KCNAB1: variants seen among roughly 807,000 people sequenced by gnomAD.
The protein encoded by KCNAB1 is potassium voltage-gated channel subfamily A regulatory beta subunit 1.
A neutral mutation model predicts 64.6 loss-of-function variants in KCNAB1; 35 were observed. The observed-to-expected ratio is 0.54, with a 90% CI of 0.41 to 0.72. The LOEUF (loss-of-function observed/expected upper bound fraction) is 0.72, where lower values mean the gene tolerates loss of function less well. KCNAB1 is among the 30% of genes least tolerant of loss of function. The probability of loss-of-function intolerance (pLI) is 0.00; values close to 1 mark genes in which losing one functional copy is unlikely to be tolerated. For synonymous variants in KCNAB1, 177 were observed against 183.8 expected, an observed-to-expected ratio of 0.96 and a Z score of 0.30; for missense variants, 401 against 512.9, an observed-to-expected ratio of 0.78 and a Z score of 2.11.
chr3:156,221,990 A>G (rs1223043715), intron 1 of KCNAB1, among the ~76,000 whole-genome samples: 1 of 152,194 alleles, frequency 6.6e-6, no homozygotes, highest in Non-Finnish European at 1.5e-5. Flanking sequence ...CACAGGACCT[A>G]TATAACAATA....
At chr3:156,383,037 C>A (rs533095647) in intron 1 of KCNAB1, among the ~76,000 whole-genome samples, 1 of 152,282 alleles carries the variant, frequency 6.6e-6, no homozygotes, top group South Asian at 2.1e-4. Context: ...GTTCTGTAAA[C>A]AGGTTATTAG....
intron 1 of KCNAB1, among the ~76,000 whole-genome samples, chr3:156,409,363 TA>T (rs1254919188): frequency 2.0e-5 from 3 of 152,256 alleles, no homozygotes; most frequent in Non-Finnish European, 2.9e-5. Context: ...TAGGATTCTA[TA>T]GTTGCCATGC....
intron 1 of KCNAB1, among the ~76,000 whole-genome samples, chr3:156,313,329 A>C (rs1011613275): frequency 4.6e-5 from 7 of 152,318 alleles, no homozygotes; most frequent in African/African-American, 1.4e-4. Context: ...ATGATCTCCC[A>C]AAATCCCTGG....
intron 1 of KCNAB1, among the ~76,000 whole-genome samples, chr3:156,341,545 G>A (rs908849906): frequency 6.6e-6 from 1 of 152,152 alleles, no homozygotes; most frequent in Non-Finnish European, 1.5e-5. Context: ...TGGCCTCCGA[G>A]CTGTGTTAGG....
At chr3:156,170,733 T>C (rs6768515) in intron 1 of KCNAB1, among the ~76,000 whole-genome samples, 4,887 of 152,220 alleles carry the variant, frequency 0.032, 288 homozygotes, top group African/African-American at 0.11. Context: ...CTCATGTCAT[T>C]ACTTGGCATG....
intron 8 of KCNAB1, among the ~76,000 whole-genome samples, chr3:156,491,128 A>G (rs775802975): frequency 1.3e-5 from 2 of 152,076 alleles, no homozygotes; most frequent in Admixed American, 6.6e-5. Flanking sequence ...CTCAAACACA[A>G]TTTCTCCACA....
chr3:156,535,848 C>T (rs1287486203), intron 13 of KCNAB1, among the ~76,000 whole-genome samples: 2 of 152,146 alleles, frequency 1.3e-5, no homozygotes, highest in African/African-American at 2.4e-5. Context: ...AAACTACCTC[C>T]AGGTGTCTGA....
rs145468897 is a variant in KCNAB1 at position 156,436,420 on chromosome 3, G to C, written c.319+14761G>C. ...ATAAAAGAATAATTTATATTCCTTT[G>C]GGTGTATACCCAGTAATGGGATTGC... On this transcript the variant is annotated intron_variant, in intron 2 of 13. Coordinates refer to ENST00000490337, the MANE Select transcript of KCNAB1 (RefSeq NM_172160.3). 6.0e-4 allele frequency among the ~76,000 whole-genome samples: 91 copies of C among 152,280 alleles called. 1 individual carries two copies. In the East Asian group the frequency reaches 0.014, roughly 24 times the overall value.
At chr3:156,383,270 A>C (rs1293504632) in intron 1 of KCNAB1, among the ~76,000 whole-genome samples, 2 of 152,126 alleles carry the variant, frequency 1.3e-5, no homozygotes, top group Non-Finnish European at 2.9e-5. Context: ...TGGCAGCTGG[A>C]ATTTCTATTT....
At chr3:156,172,340 T>G (rs1203497616) in intron 1 of KCNAB1, among the ~76,000 whole-genome samples, 2 of 150,646 alleles carry the variant, frequency 1.3e-5, no homozygotes, top group Non-Finnish European at 2.9e-5. Flanking sequence ...AATGCCATGG[T>G]GCAATCTGAG....
intron 8 of KCNAB1, among the ~76,000 whole-genome samples, chr3:156,494,079 A>G (rs1018078980): frequency 4.6e-5 from 7 of 152,142 alleles, no homozygotes; most frequent in Non-Finnish European, 5.9e-5. Flanking sequence ...AGCGTTCATC[A>G]GTGATTCTTG....
intron 1 of KCNAB1, among the ~76,000 whole-genome samples, chr3:156,402,730 A>G (rs564746768): frequency 6.6e-5 from 10 of 152,336 alleles, no homozygotes; most frequent in Admixed American, 5.9e-4. Context: ...AATCCTTATA[A>G]TATATGAGAC....
At chr3:156,273,914 G>A (rs138894348) in intron 1 of KCNAB1, among the ~76,000 whole-genome samples, 89 of 152,174 alleles carry the variant, frequency 5.8e-4, no homozygotes, top group African/African-American at 2.0e-3. Context: ...TTATTCTGAC[G>A]TGTAGAATAT....
chr3:156,155,554 A>G (rs1275916095), intron 1 of KCNAB1, among the ~76,000 whole-genome samples: 1 of 152,178 alleles, frequency 6.6e-6, no homozygotes, highest in East Asian at 1.9e-4. Context: ...GGAGGTAGAA[A>G]TGACAATCAT....
chr3:156,278,127 A>G (rs928102901), intron 1 of KCNAB1, among the ~76,000 whole-genome samples: 1 of 152,220 alleles, frequency 6.6e-6, no homozygotes, highest in Admixed American at 6.5e-5. Flanking sequence ...AATAAAAAAG[A>G]AGTGAGAAAA....
intron 1 of KCNAB1, among the ~76,000 whole-genome samples, chr3:156,388,569 A>C (rs147138655): frequency 9.5e-4 from 145 of 152,348 alleles, no homozygotes; most frequent in Admixed American, 1.6e-3. Context: ...CCAAGACTGC[A>C]TCCCTGTGAT....
intron 2 of KCNAB1, among the ~76,000 whole-genome samples, chr3:156,429,396 G>A (rs1237844781): frequency 6.6e-6 from 1 of 152,210 alleles, no homozygotes; most frequent in Non-Finnish European, 1.5e-5. Flanking sequence ...CTGGCCTCAG[G>A]GCAGGTGGGG....
intron 1 of KCNAB1, among the ~76,000 whole-genome samples, chr3:156,202,520 G>C (rs1001760597): frequency 6.6e-6 from 1 of 152,178 alleles, no homozygotes. Context: ...CTTTCTGGCT[G>C]TGTCTAGTCA....
chr3:156,189,533 A>T (rs916341799), intron 1 of KCNAB1, among the ~76,000 whole-genome samples: 2 of 152,208 alleles, frequency 1.3e-5, no homozygotes, highest in Admixed American at 1.3e-4. Flanking sequence ...ACAGGGTGCC[A>T]GGGATGGTGC....
Sources: allele counts gnomAD v4.1 joint callset (sites outside exome capture counted in the v4.1 genomes callset), GRCh38; gene constraint gnomAD v4.1.1; transcripts MANE v1.5; gene names NCBI Gene and HGNC (gene_info 2026-07-23, HGNC 2026-07-21).